Variants in HS3ST4 observed in about 807,000 individuals in gnomAD.
HS3ST4 encodes heparan sulfate glucosamine 3-O-sulfotransferase 4.
HS3ST4 carries 17 observed loss-of-function variants against 29.2 expected under a neutral mutation model. The ratio of observed to expected loss-of-function variants is 0.58; its 90% CI spans 0.40 to 0.87. The LOEUF (loss-of-function observed/expected upper bound fraction) is 0.87, where lower values mean the gene tolerates loss of function less well. HS3ST4 is among the 40% of genes least tolerant of loss of function. The probability of loss-of-function intolerance (pLI) is 0.00; values close to 1 mark genes in which losing one functional copy is unlikely to be tolerated. For missense variants in HS3ST4, 627 were observed against 634.5 expected, an observed-to-expected ratio of 0.99 and a Z score of 0.13; for synonymous variants, 314 against 285.7, an observed-to-expected ratio of 1.10 and a Z score of -1.00.
At chr16:26,015,463 C>T (rs1373867726) in intron 1 of HS3ST4, among the ~76,000 whole-genome samples, 2 of 152,176 alleles carry the variant, frequency 1.3e-5, no homozygotes, top group Non-Finnish European at 2.9e-5. Context: ...AGGAAGCTCA[C>T]CCAAGTCTCT....
rs767016845 is a variant in HS3ST4 at position 25,928,035 on chromosome 16, C to CAAAAA, written c.735-207558_735-207554dup. Among the ~76,000 whole-genome samples, 130 of 50,734 alleles carry CAAAAA rather than the reference C, an allele frequency of 2.6e-3. 5 individuals are homozygous for CAAAAA. The highest frequency in any genetic ancestry group is 7.5e-3 in the African/African-American group (107 of 14,358). The allele number at this position is 50,734 out of a possible 152,430, so 33.3% of individuals were successfully genotyped here. A position where few individuals can be genotyped will look rare whatever the true frequency, so the allele number is the denominator to read the frequency against. On this transcript the variant is annotated intron_variant, in intron 1 of 1. Coordinates refer to ENST00000331351, the MANE Select transcript of HS3ST4 (RefSeq NM_006040.3). ...ATAATGTGGAGATACCCCATCTCGA[C>CAAAAA]AAAAAAAAAAAAAAAAAAAAAAAGG...
At chr16:26,048,722 A>G (rs1467366346) in intron 1 of HS3ST4, among the ~76,000 whole-genome samples, 2 of 152,132 alleles carry the variant, frequency 1.3e-5, no homozygotes, top group Non-Finnish European at 2.9e-5. Context: ...AATTTCAGCT[A>G]CTTGGGAAGC....
intron 1 of HS3ST4, among the ~76,000 whole-genome samples, chr16:25,766,837 G>T (rs1421987382): frequency 6.6e-6 from 1 of 152,142 alleles, no homozygotes; most frequent in Admixed American, 6.5e-5. Context: ...TCTCTGTGAA[G>T]TAAGAGGGTC....
At chr16:25,903,422 T>C (rs1968142281) in intron 1 of HS3ST4, among the ~76,000 whole-genome samples, 1 of 150,664 alleles carries the variant, frequency 6.6e-6, no homozygotes, top group South Asian at 2.1e-4. Flanking sequence ...TGGACTCTCA[T>C]GTTTGAATGC....
chr16:25,811,226 A>T (rs1029149411), intron 1 of HS3ST4, among the ~76,000 whole-genome samples: 1 of 151,754 alleles, frequency 6.6e-6, no homozygotes, highest in Non-Finnish European at 1.5e-5. Flanking sequence ...CTCCCCTTCC[A>T]TCTGCTCCAC....
intron 1 of HS3ST4, among the ~76,000 whole-genome samples, chr16:25,792,004 GC>G (rs1966870235): frequency 1.3e-5 from 2 of 151,928 alleles, no homozygotes; most frequent in South Asian, 2.1e-4. Context: ...GGTTTTAGTT[GC>G]TTTTTTGTTA....
At chr16:25,715,040 C>T (rs376791609) in intron 1 of HS3ST4, among the ~76,000 whole-genome samples, 184 of 152,284 alleles carry the variant, frequency 1.2e-3, no homozygotes, top group African/African-American at 4.0e-3. Context: ...AACTCAGCGC[C>T]GGCCGGGCGC....
At chr16:25,802,380 A>C (rs1567243063) in intron 1 of HS3ST4, among the ~76,000 whole-genome samples, 1 of 151,988 alleles carries the variant, frequency 6.6e-6, no homozygotes, top group East Asian at 1.9e-4. Flanking sequence ...GGGCTCACTA[A>C]ATGCTTATAT....
intron 1 of HS3ST4, among the ~76,000 whole-genome samples, chr16:25,701,181 A>C (rs1197868770): frequency 6.6e-6 from 1 of 152,208 alleles, no homozygotes; most frequent in Non-Finnish European, 1.5e-5. Context: ...GATGGTAAGA[A>C]GCATTCCTAG....
Position 25,692,562 on chromosome 16 carries a change from TG to T in HS3ST4, c.146del (p.Cys49SerfsTer101). The T allele has an allele frequency of 6.9e-7, 1 of 1,449,784 alleles. No individual in the cohort carries two copies. The highest frequency in any genetic ancestry group is 1.3e-5 in the South Asian group (1 of 77,794). 89.8% of individuals were successfully genotyped at this position (1,449,784 alleles called of 1,614,324 possible). On this transcript the variant is annotated frameshift_variant, in exon 1 of 2. Transcript: ENST00000331351. LOFTEE classifies it high-confidence loss of function. ...CTLSLSVTYLCYSLLGGSGSL... is the reference protein window; with the variant it reads ...CTLSLSVTYLXYSLLGGSGSL... ...CTTGTCCCTGTCTGTCACCTACCTG[TG>T]CTACAGCCTCCTGGGCGGCTCGGGC...
At chr16:25,827,271 A>T (rs946892993) in intron 1 of HS3ST4, among the ~76,000 whole-genome samples, 9 of 152,156 alleles carry the variant, frequency 5.9e-5, no homozygotes, top group Non-Finnish European at 1.3e-4. Flanking sequence ...TGTCCGAGCC[A>T]GTAAGGGATC....
intron 1 of HS3ST4, among the ~76,000 whole-genome samples, chr16:25,805,139 C>G (rs957104485): frequency 6.6e-6 from 1 of 152,070 alleles, no homozygotes; most frequent in African/African-American, 2.4e-5. Context: ...GAAAATATCT[C>G]CTAATATGAT....
At chr16:25,949,274 A>C (rs935416706) in intron 1 of HS3ST4, among the ~76,000 whole-genome samples, 5 of 152,172 alleles carry the variant, frequency 3.3e-5, no homozygotes, top group African/African-American at 1.2e-4. Flanking sequence ...GACTATAGTC[A>C]TCCTATGGTG....
intron 1 of HS3ST4, among the ~76,000 whole-genome samples, chr16:25,894,151 C>T (rs181947715): frequency 2.8e-4 from 43 of 152,268 alleles, no homozygotes; most frequent in Non-Finnish European, 4.9e-4. Flanking sequence ...GACATGGTTC[C>T]ATTGCCATTT....
intron 1 of HS3ST4, among the ~76,000 whole-genome samples, chr16:25,979,895 C>T (rs563456848): frequency 1.1e-4 from 16 of 152,280 alleles, no homozygotes; most frequent in South Asian, 4.1e-4. Context: ...CCCTGCTATG[C>T]GAATCATAAA....
intron 1 of HS3ST4, among the ~76,000 whole-genome samples, chr16:26,125,940 A>G (rs1191935395): frequency 6.6e-6 from 1 of 152,216 alleles, no homozygotes; most frequent in East Asian, 1.9e-4. Context: ...TACTCAGTGT[A>G]TTTTGCTAGT....
At chr16:25,796,285 G>A (rs1391647393) in intron 1 of HS3ST4, among the ~76,000 whole-genome samples, 2 of 152,170 alleles carry the variant, frequency 1.3e-5, no homozygotes, top group East Asian at 3.8e-4. Context: ...ACCCTGGTGA[G>A]CATCCCTTTC....
intron 1 of HS3ST4, among the ~76,000 whole-genome samples, chr16:25,732,575 A>G (rs72778922): frequency 0.039 from 5,983 of 152,348 alleles, 166 homozygotes; most frequent in Non-Finnish European, 0.064. Context: ...ATGAATGGTC[A>G]GAGTCTGTGG....
At chr16:25,768,029 C>G (rs1367601268) in intron 1 of HS3ST4, among the ~76,000 whole-genome samples, 1 of 152,134 alleles carries the variant, frequency 6.6e-6, no homozygotes, top group Non-Finnish European at 1.5e-5. Flanking sequence ...AAAGCTTGAG[C>G]TTCCCATTTT....
Sources: allele counts gnomAD v4.1 joint callset (sites outside exome capture counted in the v4.1 genomes callset), GRCh38; gene constraint gnomAD v4.1.1; transcripts MANE v1.5; gene names NCBI Gene and HGNC (gene_info 2026-07-23, HGNC 2026-07-21).